Variants in RYR2 observed in about 807,000 individuals in gnomAD.
RYR2 encodes cardiac muscle ryanodine receptor-calcium release channel.
A neutral mutation model predicts 601.1 loss-of-function variants in RYR2; 227 were observed. The ratio of observed to expected loss-of-function variants is 0.38; its 90% confidence interval spans 0.34 to 0.42. The LOEUF (loss-of-function observed/expected upper bound fraction) is 0.42. Ranked by LOEUF, RYR2 falls within the 10% of genes least tolerant of loss-of-function variation. The probability of loss-of-function intolerance (pLI) is 1.00; values close to 1 mark genes in which losing one functional copy is unlikely to be tolerated. For synonymous variants in RYR2, 2,223 were observed against 2,175.1 expected (o/e 1.02, Z -0.61); for missense variants, 4,646 against 6,156.5 (o/e 0.75, Z 8.21).
At chr1:237,373,504 G>A (rs898389089) in intron 6 of RYR2, among the ~76,000 whole-genome samples, 6 of 152,168 alleles carry the variant, frequency 3.9e-5, no homozygotes, top group African/African-American at 1.2e-4. Context: ...GGGCTTGCTG[G>A]CAGTGCACTT....
At chr1:237,592,749 G>A (rs2997970) in intron 32 of RYR2, among the ~76,000 whole-genome samples, 60,183 of 151,530 alleles carry the variant, frequency 0.4, 13,405 homozygotes, top group Admixed American at 0.5. Context: ...GGCCAGGTGC[G>A]GTGACTCGCG....
rs1573968201 is a variant in RYR2, at chr1:237,792,261, A to G, written c.13720A>G (p.Ile4574Val). ...SSGYMEPTLR[I>V]LAILHTVISF... The stretch of plus-strand genomic sequence containing the variant: ...CGGCTACATGGAGCCCACGTTGCGT[A>G]TCTTAGCTATTCTGCACACGGTCAT... The change falls in exon 94 of 105, where the codon ATC becomes GTC. Residue 4574 changes from isoleucine to valine, a missense_variant. Physicochemically the swap from Ile to Val is conservative, Grantham distance 29. Coordinates refer to ENST00000366574, the MANE Select transcript of RYR2 (RefSeq NM_001035.3). The G allele has an allele frequency of 6.2e-7, 1 of 1,613,782 alleles. No homozygotes were observed.
At chr1:237,375,198 A>G (rs538870536) in intron 7 of RYR2, among the ~76,000 whole-genome samples, 1 of 152,328 alleles carries the variant, frequency 6.6e-6, no homozygotes, top group East Asian at 1.9e-4. Flanking sequence ...AAAAAATGAA[A>G]GTCTCCTTAA....
chr1:237,265,610 C>G (rs1394645198), intron 1 of RYR2, among the ~76,000 whole-genome samples: 1 of 152,186 alleles, frequency 6.6e-6, no homozygotes, highest in African/African-American at 2.4e-5. Context: ...GTGTGAGCTA[C>G]CGCGCCTGGC....
intron 27 of RYR2, among the ~76,000 whole-genome samples, chr1:237,560,043 G>A (rs761353322): frequency 2.4e-4 from 36 of 152,222 alleles, no homozygotes; most frequent in Non-Finnish European, 4.4e-4. Context: ...CACTCAACCA[G>A]GCAATTTATA....
At chr1:237,060,007 A>G (rs536027519) in intron 1 of RYR2, among the ~76,000 whole-genome samples, 8 of 152,328 alleles carry the variant, frequency 5.3e-5, no homozygotes, top group Non-Finnish European at 1.2e-4. Flanking sequence ...CTAAATGGGA[A>G]GGTGCTGAGG....
intron 58 of RYR2, among the ~76,000 whole-genome samples, chr1:237,671,311 CTG>C (rs2148896275): frequency 6.6e-6 from 1 of 152,286 alleles, no homozygotes; most frequent in Non-Finnish European, 1.5e-5. Flanking sequence ...AGGTTACAGA[CTG>C]TGGCCAGTTT....
At chr1:237,250,250 T>A (rs918269510) in intron 1 of RYR2, among the ~76,000 whole-genome samples, 3 of 152,188 alleles carry the variant, frequency 2.0e-5, no homozygotes, top group African/African-American at 7.2e-5. Context: ...AGACCTGTGT[T>A]AACACAGACA....
intron 24 of RYR2, among the ~76,000 whole-genome samples, chr1:237,522,159 A>G (rs2147867862): frequency 6.6e-6 from 1 of 151,996 alleles, no homozygotes; most frequent in East Asian, 1.9e-4. Context: ...TGTGATGTGG[A>G]ATGCTGTTTT....
intron 3 of RYR2, among the ~76,000 whole-genome samples, chr1:237,334,143 A>G (rs1697020765): frequency 6.6e-6 from 1 of 152,154 alleles, no homozygotes; most frequent in Non-Finnish European, 1.5e-5. Flanking sequence ...GTGGTTAAGG[A>G]CCATTTTGCT....
chr1:237,060,984 G>C (rs368749269), intron 1 of RYR2, among the ~76,000 whole-genome samples: 1 of 152,140 alleles, frequency 6.6e-6, no homozygotes, highest in East Asian at 1.9e-4. Flanking sequence ...CAAAGTAGTT[G>C]ACTCAGTTAA....
At chr1:237,529,403 C>A (rs1029641714) in intron 24 of RYR2, among the ~76,000 whole-genome samples, 3 of 151,750 alleles carry the variant, frequency 2.0e-5, no homozygotes, top group Non-Finnish European at 4.4e-5. Flanking sequence ...TGGATAGATA[C>A]CCATATGTAT....
At chr1:237,208,936 G>GTGTATA (rs1418847642) in intron 1 of RYR2, among the ~76,000 whole-genome samples, 31 of 89,844 alleles carry the variant, frequency 3.5e-4, no homozygotes, top group African/African-American at 4.4e-4. Context: ...ATGTGTGTGT[G>GTGTATA]TATATATATA....
chr1:237,640,520 T>C (rs1236057927), intron 46 of RYR2, among the ~76,000 whole-genome samples: 1 of 152,178 alleles, frequency 6.6e-6, no homozygotes, highest in East Asian at 1.9e-4. Context: ...TTTGTCACCC[T>C]TTCTCTACAT....
chr1:237,662,926 G>A (rs1212032398), intron 56 of RYR2, among the ~76,000 whole-genome samples: 1 of 152,162 alleles, frequency 6.6e-6, no homozygotes, highest in Non-Finnish European at 1.5e-5. Context: ...ATCTCTGTTT[G>A]CCTCATTAAG....
intron 2 of RYR2, among the ~76,000 whole-genome samples, chr1:237,304,239 G>T (rs1457443406): frequency 5.3e-5 from 8 of 152,198 alleles, no homozygotes; most frequent in Non-Finnish European, 1.0e-4. Context: ...GCTGAGGAAA[G>T]CCTGCTGGCT....
chr1:237,267,510 A>G, intron 1 of RYR2: 1 of 210,608 alleles, frequency 4.7e-6, no homozygotes, highest in Non-Finnish European at 1.0e-5. Flanking sequence ...GCAGACTGAG[A>G]CTCTGCCTCA....
chr1:237,140,690 G>C (rs1025750809), intron 1 of RYR2, among the ~76,000 whole-genome samples: 5 of 152,170 alleles, frequency 3.3e-5, no homozygotes, highest in African/African-American at 1.2e-4. Flanking sequence ...TAGGAATTTG[G>C]AATTAGACCA....
chr1:237,257,633 C>G (rs1240465521), intron 1 of RYR2, among the ~76,000 whole-genome samples: 2 of 152,122 alleles, frequency 1.3e-5, no homozygotes, highest in Admixed American at 6.5e-5. Context: ...TCGGCAGAGT[C>G]TTTCTTCATG....
Sources: gnomAD v4.1 joint callset for allele counts (sites outside exome capture counted in the v4.1 genomes callset) on GRCh38, gnomAD v4.1.1 for gene constraint, MANE v1.5 for transcripts, NCBI Gene and HGNC (gene_info 2026-07-23, HGNC 2026-07-21) for gene names.